Variants in ADGRB1 observed in about 807,000 individuals in gnomAD.
The protein encoded by ADGRB1 is adhesion G protein-coupled receptor B1, also known as brain-specific angiogenesis inhibitor 1.
In ADGRB1, 36 loss-of-function variants were observed where a neutral mutation model predicts 175.7. The observed-to-expected ratio is 0.20, with a 90% CI of 0.16 to 0.27. ADGRB1 has a LOEUF of 0.27. Ranked by LOEUF, ADGRB1 falls within the 10% of genes least tolerant of loss-of-function variation. The pLI, the probability that ADGRB1 is intolerant of heterozygous loss-of-function variation, is 1.00. For synonymous variants in ADGRB1, 1,054 were observed against 979.4 expected (o/e 1.08, Z -1.42); for missense variants, 1,731 against 2,255.3 (o/e 0.77, Z 4.71).
intron 1 of ADGRB1, among the ~76,000 whole-genome samples, chr8:142,461,122 C>T (rs1265259825): frequency 1.3e-5 from 2 of 152,208 alleles, no homozygotes; most frequent in Admixed American, 1.3e-4. Flanking sequence ...GGGGTAGGCC[C>T]TCGTCCACCT....
At chr8:142,450,500 C>T (rs373264161) in intron 1 of ADGRB1, among the ~76,000 whole-genome samples, 1 of 152,112 alleles carries the variant, frequency 6.6e-6, no homozygotes, top group Non-Finnish European at 1.5e-5. Flanking sequence ...CACACAGACG[C>T]TGGCGGGGGT....
intron 2 of ADGRB1, 103 bp from the exon 3 acceptor site, chr8:142,475,371 C>T: frequency 8.6e-7 from 1 of 1,169,456 alleles, no homozygotes; most frequent in East Asian, 3.2e-5. Flanking sequence ...GCGGCCCCTC[C>T]CCACCCGGGC....
intron 2 of ADGRB1, 46 bp downstream of exon 2, chr8:142,465,028 CAGGGGAGGCGGGCAGA>C: frequency 1.2e-6 from 1 of 835,306 alleles, no homozygotes; most frequent in Non-Finnish European, 1.5e-6. Context: ...GGTGGGCAGA[CAGGGGAGGCGGGCAGA>C]CAGGGGAGGC....
chr8:142,479,531 G>T, intron 8 of ADGRB1, 44 bp downstream of exon 8: 1 of 1,515,982 alleles, frequency 6.6e-7, no homozygotes, highest in South Asian at 1.3e-5. Context: ...GAGGGCTGAT[G>T]GCGATTGGGC....
At chr8:142,502,161 G>A (rs1842604823) in intron 17 of ADGRB1, among the ~76,000 whole-genome samples, 1 of 151,638 alleles carries the variant, frequency 6.6e-6, no homozygotes, top group African/African-American at 2.4e-5. Context: ...ATGATGGGGT[G>A]GTGGTAGTAA....
At chr8:142,475,701 G>C (rs1264021473) in intron 3 of ADGRB1, 66 bp downstream of exon 3, 3 of 1,211,072 alleles carry the variant, frequency 2.5e-6, no homozygotes, top group African/African-American at 3.2e-5. Flanking sequence ...GGGAGGAGAG[G>C]GGGGTGGGGC....
Position 142,542,529 on chromosome 8 carries a change from T to A in ADGRB1, c.4295T>A (p.Leu1432Gln), listed in dbSNP as rs746673677. 16 of 1,428,416 alleles carry A rather than the reference T, an allele frequency of 1.1e-5. No individual in the cohort carries two copies. The East Asian group carries it at 5.1e-4, about 45-fold the overall frequency. 88.5% of individuals were successfully genotyped at this position (1,428,416 alleles called of 1,614,324 possible). The change falls in exon 28 of 31, where the codon CTG (leucine) becomes CAG (glutamine). Residue 1432 changes from leucine (L) to glutamine (Q), a missense_variant. By Grantham distance (113) the Leu-to-Gln change is moderately radical. Coordinates refer to ENST00000517894, the MANE Select transcript of ADGRB1 (RefSeq NM_001702.3). The surrounding 1 kb of genome is among the most constrained non-coding windows in gnomAD (Gnocchi z 6.3). ...CAGCCCCTGCCCCCACCGCCCAATC[T>A]GGAGCCGGCACCCCCCAGCCTGGGG... ...PQQPLPPPPN[L>Q]EPAPPSLGDP...
chr8:142,464,818 G>A lies in ADGRB1; in HGVS notation c.620G>A (p.Gly207Glu), dbSNP rs1370610934. The A allele has an allele frequency of 1.3e-6, 2 of 1,534,314 alleles. No homozygotes were observed. The highest frequency in any genetic ancestry group is 1.7e-6 in the Non-Finnish European group (2 of 1,145,390). The change falls in exon 2 of 31, where the codon GGG becomes GAG. Residue 207 changes from glycine to glutamate, a missense_variant. Around this residue, in one of 8 missense-constraint regions of ADGRB1, gnomAD observed 383 missense variants for 383.1 expected, o/e 1.00. Transcript: ENST00000517894. Reference protein sequence around the residue: ...LAGSRSSHPCGIMQTPCACLG... With the variant: ...LAGSRSSHPCEIMQTPCACLG... The stretch of plus-strand genomic sequence containing the variant: ...GGTAGTCGCAGCTCGCACCCCTGCG[G>A]GATCATGCAGACCCCCTGCGCCTGC...
intron 26 of ADGRB1, among the ~76,000 whole-genome samples, chr8:142,538,998 A>AAC (rs981733123): frequency 6.6e-6 from 1 of 152,162 alleles, no homozygotes; most frequent in East Asian, 1.9e-4. Context: ...ACACCTCAGA[A>AAC]ACACACACAC....
At position 142,511,848 on chromosome 8, in the gene ADGRB1, G is replaced by C. The variant is rs1474602159; in HGVS notation, c.2817+775G>C. Among the ~76,000 whole-genome samples the C allele has an allele frequency of 6.6e-6, 1 of 152,266 alleles. No homozygotes were observed. Among genetic ancestry groups the C allele is most frequent in the African/African-American group, 2.4e-5 (1 of 41,470 alleles). On this transcript the variant is annotated intron_variant, in intron 18 of 30. Coordinates refer to ENST00000517894, the MANE Select transcript of ADGRB1 (RefSeq NM_001702.3). This position sits in a 1 kb window ranked among gnomAD's most constrained non-coding sequence, Gnocchi z 4.5. ...AGCCCACAGAGCAGGAAAGGGCCTTGGGCGTGTGCTCACCAAGTAACCTCC... is the reference window on the plus strand; with the variant it reads ...AGCCCACAGAGCAGGAAAGGGCCTTCGGCGTGTGCTCACCAAGTAACCTCC...
In ADGRB1 at chr8:142,543,441, G is replaced by A; in HGVS notation, c.4449+3G>A. On this transcript the variant is annotated splice_donor_region_variant and intron_variant, in intron 29 of 30. Coordinates refer to ENST00000517894, the MANE Select transcript of ADGRB1 (RefSeq NM_001702.3). The surrounding 1 kb of genome is among the most constrained non-coding windows in gnomAD (Gnocchi z 4.4). The stretch of plus-strand genomic sequence containing the variant: ...GGTATGCAGAACTGGACTTTGAGGT[G>A]AGTTCTGGTGTCCCCCCCCACCAGA... 6.2e-7 allele frequency: 1 copy of A among 1,613,752 alleles called. No homozygotes were observed. Among genetic ancestry groups the A allele is most frequent in the East Asian group, 2.2e-5 (1 of 44,858 alleles).
chr8:142,501,043 T>C (rs1842499096), intron 17 of ADGRB1, among the ~76,000 whole-genome samples: 1 of 152,148 alleles, frequency 6.6e-6, no homozygotes, highest in South Asian at 2.1e-4. Context: ...TGTCGAATGC[T>C]GGTGACTGTT....
chr8:142,479,535 A>G (rs996163711), intron 8 of ADGRB1, 48 bp downstream of exon 8: 12 of 1,503,036 alleles, frequency 8.0e-6, no homozygotes, highest in Non-Finnish European at 1.1e-5. Flanking sequence ...GCTGATGGCG[A>G]TTGGGCGGGC....
chr8:142,536,457 CT>C (rs762714524), intron 25 of ADGRB1, among the ~76,000 whole-genome samples: 170 of 152,182 alleles, frequency 1.1e-3, no homozygotes, highest in Non-Finnish European at 1.8e-3. Context: ...ACTGTCCCCC[CT>C]GAAGAGTGGG....
intron 8 of ADGRB1, 41 bp downstream of exon 8, chr8:142,479,528 G>A (rs1202449633): frequency 3.3e-6 from 5 of 1,519,318 alleles, no homozygotes; most frequent in South Asian, 1.2e-5. Flanking sequence ...GGGGAGGGCT[G>A]ATGGCGATTG....
chr8:142,475,646 G>A lies in ADGRB1; in HGVS notation c.946+11G>A, dbSNP rs995872407. 2 of 1,228,446 alleles carry A rather than the reference G, an allele frequency of 1.6e-6. No homozygotes were observed. Among genetic ancestry groups the A allele is most frequent in the Admixed American group, 8.5e-5 (2 of 23,564 alleles). 76.1% of individuals were successfully genotyped at this position (1,228,446 alleles called of 1,614,324 possible). ...GCGAGGCCTGCGGCCGTGAGTGCGG[G>A]CGGGGCGGGGCGGAGCCGGAGCCCT... On this transcript the variant is annotated intron_variant, in intron 3 of 30. Coordinates refer to ENST00000517894, the MANE Select transcript of ADGRB1 (RefSeq NM_001702.3).
chr8:142,479,150 C>G lies in ADGRB1; in HGVS notation c.1562-173C>G, dbSNP rs1161850188. The G allele has an allele frequency of 4.5e-6, 3 of 665,134 alleles. No homozygotes were observed. The East Asian group carries it at 1.0e-4, about 23-fold the overall frequency. 41.2% of individuals were successfully genotyped at this position (665,134 alleles called of 1,614,324 possible). A position where few individuals can be genotyped will look rare whatever the true frequency, so the allele number is the denominator to read the frequency against. On this transcript the variant is annotated intron_variant, in intron 7 of 30. Transcript: ENST00000517894. Reference sequence around the variant, plus strand: ...GTATCAGGCTGATGACTGATTTCTCCTCTCCTGGTCTGAATTTCCCTTCTT... The same window carrying G: ...GTATCAGGCTGATGACTGATTTCTCGTCTCCTGGTCTGAATTTCCCTTCTT...
At chr8:142,467,403 T>G in intron 2 of ADGRB1, among the ~76,000 whole-genome samples, 1 of 152,098 alleles carries the variant, frequency 6.6e-6, no homozygotes, top group African/African-American at 2.4e-5. Flanking sequence ...GAGGAGGGCC[T>G]TGGGGTGCAG....
At chr8:142,457,972 G>A (rs1839771432) in intron 1 of ADGRB1, among the ~76,000 whole-genome samples, 3 of 152,196 alleles carry the variant, frequency 2.0e-5, no homozygotes, top group Non-Finnish European at 4.4e-5. Context: ...CAGCCCCCTG[G>A]GCAGTCAGTG....
Sources: gnomAD v4.1 joint callset for allele counts (sites outside exome capture counted in the v4.1 genomes callset) on GRCh38, gnomAD v4.1.1 for gene constraint, gnomAD v4.1.1 regional missense constraint, Gnocchi (gnomAD v3.1) non-coding constraint, MANE v1.5 for transcripts, NCBI Gene and HGNC (gene_info 2026-07-23, HGNC 2026-07-21) for gene names.